Variants in PXDN observed in about 807,000 individuals in gnomAD.
The protein encoded by PXDN is peroxidasin, also known as peroxidasin homolog.
In PXDN, 77 loss-of-function variants were observed where a neutral mutation model predicts 140.3. The observed-to-expected ratio is 0.55, with a 90% CI of 0.46 to 0.66. The LOEUF is 0.66. PXDN is among the 30% of genes least tolerant of loss of function. PXDN has a pLI of 0.00. For missense variants in PXDN, 1,838 were observed against 2,039.5 expected (o/e 0.90, Z 1.90); for synonymous variants, 911 against 857.4 (o/e 1.06, Z -1.09).
chr2:1,682,178 A>G (rs1267895682), intron 6 of PXDN, among the ~76,000 whole-genome samples: 2 of 152,226 alleles, frequency 1.3e-5, no homozygotes, highest in South Asian at 2.1e-4. Context: ...AGCTGTCAGC[A>G]TAATCCAGGC....
intron 12 of PXDN, among the ~76,000 whole-genome samples, 171 bp from the exon 13 acceptor site, chr2:1,662,355 G>A (rs1683325095): frequency 6.6e-6 from 1 of 152,220 alleles, no homozygotes; most frequent in Non-Finnish European, 1.5e-5. Context: ...ACAGGGCAGG[G>A]GAGCCTGAAA....
At chr2:1,636,424 CCATA>C (rs1682560404) in intron 21 of PXDN, 1 of 152,424 alleles carries the variant, frequency 6.6e-6, no homozygotes. Context: ...CTCCTGTCAG[CCATA>C]AGTGTGTGGT....
At chr2:1,657,323 AAC>A (rs1683168133) in intron 14 of PXDN, among the ~76,000 whole-genome samples, 1 of 147,880 alleles carries the variant, frequency 6.8e-6, no homozygotes, top group African/African-American at 2.5e-5. Flanking sequence ...TCCTGACAGA[AAC>A]CAGCCCCAAC....
At chr2:1,709,562 G>A (rs2125467030) in intron 1 of PXDN, among the ~76,000 whole-genome samples, 1 of 152,284 alleles carries the variant, frequency 6.6e-6, no homozygotes, top group Non-Finnish European at 1.5e-5. Context: ...ACACTCTGAA[G>A]GTTCCAAAGT....
chr2:1,702,520 G>T (rs945421568), intron 1 of PXDN, among the ~76,000 whole-genome samples: 2 of 152,246 alleles, frequency 1.3e-5, no homozygotes, highest in African/African-American at 4.8e-5. Context: ...GGCCAATTTA[G>T]AAAGTTTGTT....
At chr2:1,674,262 C>A (rs9309691) in intron 8 of PXDN, among the ~76,000 whole-genome samples, 12 of 152,238 alleles carry the variant, frequency 7.9e-5, no homozygotes, top group African/African-American at 2.9e-4. Context: ...CAGGCTGGAG[C>A]GCAGCGGTAT....
chr2:1,645,713 T>C (rs1278240635), intron 17 of PXDN, among the ~76,000 whole-genome samples: 1 of 152,224 alleles, frequency 6.6e-6, no homozygotes, highest in Non-Finnish European at 1.5e-5. Context: ...AGATGTCCCC[T>C]GGGAGTGAAA....
rs1339987594 is a variant in PXDN, at chr2:1,742,812, G to A, written c.200+1444C>T. ...TCTCTGCGGAGGAGGAGAGGAACTC[G>A]GGCCCCCGCCCCGCCCCAGGGCCTC... On this transcript the variant is annotated intron_variant, in intron 1 of 22. Transcript: ENST00000252804. Among the ~76,000 whole-genome samples, 4 of 152,270 alleles carry A rather than the reference G, an allele frequency of 2.6e-5. No homozygotes were observed. The East Asian group carries it at 7.8e-4, about 30-fold the overall frequency.
intron 1 of PXDN, among the ~76,000 whole-genome samples, chr2:1,711,169 C>CCACTCTCCACCAGCA (rs1684764200): frequency 2.0e-5 from 2 of 102,258 alleles, no homozygotes; most frequent in African/African-American, 8.0e-5. Flanking sequence ...CCACCAGCAC[C>CCACTCTCCACCAGCA]CACTCTCCAC....
In PXDN at chr2:1,639,353, C is replaced by T; in HGVS notation, c.4022G>A (p.Ser1341Asn). Residue 1341 changes from serine (S) to asparagine (N), a missense_variant, in exon 20 of 23, where the codon AGC becomes AAC. By Grantham distance (46) the Ser-to-Asn change is conservative. Transcript: ENST00000252804. This position sits in a 1 kb window ranked among gnomAD's most constrained non-coding sequence, Gnocchi z 5.0. ...CTTGGTCGGCTTGTCCTCCTGGTAG[C>T]TGAACTCAAGAGACCGTCTGCCTCG... is the stretch of plus-strand genomic sequence containing the variant. The part of the protein sequence containing the change: ...HFRGRRSLEF[S>N]YQEDKPTKKT... The T allele has an allele frequency of 6.2e-7, 1 of 1,613,998 alleles. No individual in the cohort carries two copies. Among genetic ancestry groups the T allele is most frequent in the Non-Finnish European group, 8.5e-7 (1 of 1,179,876 alleles).
At chr2:1,696,918 C>T (rs1180647834) in intron 1 of PXDN, among the ~76,000 whole-genome samples, 2 of 152,174 alleles carry the variant, frequency 1.3e-5, no homozygotes, top group Non-Finnish European at 2.9e-5. Context: ...AAGAAGCCAA[C>T]GTTCGTTTCA....
chr2:1,712,240 C>T (rs1015189565), intron 1 of PXDN, among the ~76,000 whole-genome samples: 14 of 152,140 alleles, frequency 9.2e-5, no homozygotes, highest in East Asian at 3.8e-4. Context: ...ATTTTTATTA[C>T]GATTTTAGGT....
At position 1,687,491 on chromosome 2, in the gene PXDN, G is replaced by A. The variant is rs551643110; in HGVS notation, c.416+141C>T. 23 of 538,532 alleles carry A rather than the reference G, an allele frequency of 4.3e-5. No homozygotes were observed. Among genetic ancestry groups the A allele is most frequent in the Middle Eastern group, 3.6e-4 (1 of 2,762 alleles). 33.4% of individuals were successfully genotyped at this position (538,532 alleles called of 1,614,324 possible). ...ATGACTCGCCCATCCCTGTTTTTCCGTCATCATGCACGTACTCCCCGCACC... is the reference window on the plus strand; with the variant it reads ...ATGACTCGCCCATCCCTGTTTTTCCATCATCATGCACGTACTCCCCGCACC... On this transcript the variant is annotated intron_variant, in intron 4 of 22. Transcript: ENST00000252804. This position sits in a 1 kb window ranked among gnomAD's most constrained non-coding sequence, Gnocchi z 4.0.
Position 1,660,045 on chromosome 2 carries a change from C to T in PXDN, c.1837+836G>A, listed in dbSNP as rs539857103. ...TTTACCCCGTGAAGGGGGGTTTGTG[C>T]GCGTTCTCAGAGTGTTGCTAACTCT... is the stretch of plus-strand genomic sequence containing the variant. On this transcript the variant is annotated intron_variant, in intron 14 of 22. Coordinates refer to ENST00000252804, the MANE Select transcript of PXDN (RefSeq NM_012293.3). This position sits in a 1 kb window ranked among gnomAD's most constrained non-coding sequence, Gnocchi z 4.6. 8.7e-4 allele frequency among the ~76,000 whole-genome samples: 133 copies of T among 152,248 alleles called. 1 individual carries two copies. Among genetic ancestry groups the T allele is most frequent in the Non-Finnish European group, 1.0e-3 (69 of 68,016 alleles).
intron 4 of PXDN, among the ~76,000 whole-genome samples, chr2:1,686,442 T>C (rs1210254336): frequency 1.3e-5 from 2 of 152,120 alleles, no homozygotes; most frequent in Non-Finnish European, 2.9e-5. Context: ...TGCCCTTTCC[T>C]TCCTTAAAAA....
intron 14 of PXDN, among the ~76,000 whole-genome samples, chr2:1,658,081 T>TCCCC (rs1231067983): frequency 4.5e-5 from 1 of 22,048 alleles, no homozygotes; most frequent in African/African-American, 2.5e-4. Context: ...TCTCTCTCTC[T>TCCCC]CTCTCTCTCT....
At chr2:1,707,183 G>T (rs1246225099) in intron 1 of PXDN, among the ~76,000 whole-genome samples, 1 of 108,776 alleles carries the variant, frequency 9.2e-6, no homozygotes, top group Non-Finnish European at 1.9e-5. Flanking sequence ...AGTGTTCAGC[G>T]ATCAGCTCTA....
chr2:1,648,793 T>C lies in PXDN; in HGVS notation c.2987A>G (p.Asn996Ser). ...SMHTLWFREH[N>S]RIATELLKLN... is the part of the protein sequence containing the mutation. ...CTTGAGCAGCTCCGTGGCAATGCGGTTGTGCTCGCGGAACCACAGCGTGTG... is the reference window on the plus strand; with the variant it reads ...CTTGAGCAGCTCCGTGGCAATGCGGCTGTGCTCGCGGAACCACAGCGTGTG... Residue 996 changes from asparagine to serine, a missense_variant, in exon 17 of 23, where the codon AAC becomes AGC. Coordinates refer to ENST00000252804, the MANE Select transcript of PXDN (RefSeq NM_012293.3). The surrounding 1 kb of genome is among the most constrained non-coding windows in gnomAD (Gnocchi z 8.9). 6.2e-7 allele frequency: 1 copy of C among 1,603,720 alleles called. No individual in the cohort carries two copies. The highest frequency in any genetic ancestry group is 1.3e-5 in the African/African-American group (1 of 74,858).
chr2:1,683,637 C>T lies in PXDN; in HGVS notation c.560+19G>A, dbSNP rs777464604. ...AGAAGGCTTTGCAGCAAAGAAAACA[C>T]AAAAGGTTTTATACTCACAATCTCT... On this transcript the variant is annotated intron_variant, in intron 6 of 22. Transcript: ENST00000252804. 1.4e-6 allele frequency: 2 copies of T among 1,462,090 alleles called. No homozygotes were observed. The highest frequency in any genetic ancestry group is 1.4e-5 in the South Asian group (1 of 73,180). The allele number at this position is 1,462,090 out of a possible 1,614,324, so 90.6% of individuals were successfully genotyped here. A position where few individuals can be genotyped will look rare whatever the true frequency, so the allele number is the denominator to read the frequency against.
Sources: gnomAD v4.1 joint callset for allele counts (sites outside exome capture counted in the v4.1 genomes callset) on GRCh38, gnomAD v4.1.1 for gene constraint, Gnocchi (gnomAD v3.1) non-coding constraint, MANE v1.5 for transcripts, NCBI Gene and HGNC (gene_info 2026-07-23, HGNC 2026-07-21) for gene names.